The following PCDH9 variants were observed in gnomAD, a reference collection of about 807,000 sequenced individuals.
PCDH9 encodes the protein protocadherin-9.
A neutral mutation model predicts 70.6 loss-of-function variants in PCDH9; 24 were observed. The observed-to-expected ratio is 0.34, with a 90% CI of 0.25 to 0.48. The LOEUF (loss-of-function observed/expected upper bound fraction) is 0.48, where lower values mean the gene tolerates loss of function less well. PCDH9 is among the 20% of genes least tolerant of loss of function. PCDH9 has a pLI of 0.99. For synonymous variants in PCDH9, 562 were observed against 558.5 expected, an observed-to-expected ratio of 1.01 and a Z score of -0.09; for missense variants, 1,281 against 1,503.6, an observed-to-expected ratio of 0.85 and a Z score of 2.45.
At chr13:67,161,074 A>G (rs768146372) in intron 2 of PCDH9, among the ~76,000 whole-genome samples, 2 of 152,360 alleles carry the variant, frequency 1.3e-5, no homozygotes, top group Non-Finnish European at 1.5e-5. Context: ...ACACTTCCAC[A>G]TAACAGTACA....
intron 3 of PCDH9, among the ~76,000 whole-genome samples, chr13:66,660,731 A>G (rs6420331): frequency 0.42 from 63,742 of 151,700 alleles, 13,477 homozygotes; most frequent in Middle Eastern, 0.5. Context: ...TAAGGAATAC[A>G]GAAAGAAAAT....
chr13:66,632,512 T>G (rs955617311), intron 3 of PCDH9, among the ~76,000 whole-genome samples: 1 of 152,228 alleles, frequency 6.6e-6, no homozygotes, highest in Admixed American at 6.5e-5. Context: ...GGTATCTATG[T>G]GCACAATGTC....
chr13:66,843,315 G>A (rs1275113157), intron 3 of PCDH9, among the ~76,000 whole-genome samples: 3 of 151,556 alleles, frequency 2.0e-5, no homozygotes, highest in Non-Finnish European at 4.4e-5. Context: ...AGAAGACTAG[G>A]TCTATTAAAG....
At chr13:67,112,106 T>C (rs1566432150) in intron 2 of PCDH9, among the ~76,000 whole-genome samples, 1 of 152,182 alleles carries the variant, frequency 6.6e-6, no homozygotes, top group Non-Finnish European at 1.5e-5. Flanking sequence ...TCCGACTGAC[T>C]TTCATTAGAG....
intron 2 of PCDH9, among the ~76,000 whole-genome samples, chr13:67,004,814 G>A (rs1195972256): frequency 1.3e-5 from 2 of 151,962 alleles, no homozygotes; most frequent in South Asian, 2.1e-4. Flanking sequence ...TTTGGGGAAT[G>A]ATTAAATGAG....
rs1470472333 is a variant in PCDH9 at position 67,229,878 on chromosome 13, G to A, written c.-234C>T. 6.6e-6 allele frequency: 1 copy of A among 152,202 alleles called. No homozygotes were observed. Among genetic ancestry groups the A allele is most frequent in the Non-Finnish European group, 1.5e-5 (1 of 68,044 alleles). 9.4% of individuals were successfully genotyped at this position (152,202 alleles called of 1,614,324 possible). A position where few individuals can be genotyped will look rare whatever the true frequency, so the allele number is the denominator to read the frequency against. On this transcript the variant is annotated 5_prime_UTR_variant, in exon 1 of 5. Coordinates refer to ENST00000377865, the MANE Select transcript of PCDH9 (RefSeq NM_203487.3). ...CATGCATCTGGTAGCACCAGTTTGG[G>A]GAGAAATCAGAAGCAGCAAAATGTT...
At chr13:66,978,852 G>A (rs889764732) in intron 2 of PCDH9, among the ~76,000 whole-genome samples, 1 of 150,412 alleles carries the variant, frequency 6.6e-6, no homozygotes, top group African/African-American at 2.4e-5. Flanking sequence ...ATGTATATAT[G>A]TATATTTATA....
intron 2 of PCDH9, among the ~76,000 whole-genome samples, chr13:67,090,118 AT>A (rs1594496835): frequency 1.3e-5 from 2 of 152,076 alleles, no homozygotes; most frequent in African/African-American, 4.8e-5. Context: ...CAAAATAAGT[AT>A]TTAATAAATA....
At chr13:66,654,723 G>C (rs2077904011) in intron 3 of PCDH9, among the ~76,000 whole-genome samples, 2 of 152,040 alleles carry the variant, frequency 1.3e-5, no homozygotes, top group Admixed American at 1.3e-4. Flanking sequence ...TTGTTTGTTT[G>C]GTGACAGACT....
intron 3 of PCDH9, among the ~76,000 whole-genome samples, chr13:66,771,564 C>T (rs2139274487): frequency 6.6e-6 from 1 of 152,250 alleles, no homozygotes; most frequent in Admixed American, 6.5e-5. Flanking sequence ...AAGTCATATG[C>T]CATCTTCCCT....
intron 3 of PCDH9, among the ~76,000 whole-genome samples, chr13:66,875,976 G>A (rs1024601064): frequency 1.6e-4 from 25 of 152,086 alleles, no homozygotes; most frequent in Admixed American, 7.2e-4. Flanking sequence ...TTTATAAAAC[G>A]TTGAGTTTGG....
intron 2 of PCDH9, among the ~76,000 whole-genome samples, chr13:67,170,101 C>T (rs945252261): frequency 1.6e-4 from 24 of 152,144 alleles, no homozygotes; most frequent in African/African-American, 5.8e-4. Context: ...AGAAGAAAAA[C>T]AGCTTTATAT....
intron 3 of PCDH9, among the ~76,000 whole-genome samples, chr13:66,780,017 A>G (rs1295237767): frequency 6.6e-6 from 1 of 151,646 alleles, no homozygotes; most frequent in Non-Finnish European, 1.5e-5. Context: ...TAATCAAGCT[A>G]GAGATCTAAT....
intron 4 of PCDH9, among the ~76,000 whole-genome samples, chr13:66,478,829 A>G (rs1412216785): frequency 6.6e-6 from 1 of 152,264 alleles, no homozygotes; most frequent in Non-Finnish European, 1.5e-5. Context: ...AGAAGCTGCA[A>G]CAAGTTAGCC....
chr13:67,131,302 C>T (rs548566206), intron 2 of PCDH9, among the ~76,000 whole-genome samples: 7 of 152,096 alleles, frequency 4.6e-5, no homozygotes, highest in Non-Finnish European at 1.0e-4. Flanking sequence ...ACAGTCCCAT[C>T]TCCTAAATGG....
At chr13:66,948,472 T>C (rs1380738269) in intron 2 of PCDH9, among the ~76,000 whole-genome samples, 1 of 152,068 alleles carries the variant, frequency 6.6e-6, no homozygotes. Context: ...AGAATTTGTA[T>C]TTAGGATCCA....
chr13:66,475,708 G>A lies in PCDH9; in HGVS notation c.3340+155502C>T, dbSNP rs376178245. Among the ~76,000 whole-genome samples the A allele has an allele frequency of 6.6e-5, 10 of 152,146 alleles. No homozygotes were observed. The East Asian group carries it at 1.9e-3, about 29-fold the overall frequency. On this transcript the variant is annotated intron_variant, in intron 4 of 4. Coordinates refer to ENST00000377865, the MANE Select transcript of PCDH9 (RefSeq NM_203487.3). ...GAACCCTCAAAATGGTCTCCTGTCA[G>A]AAGAGAATCATATTTAGCTCACCAA...
At chr13:66,869,817 C>T (rs1378990980) in intron 3 of PCDH9, among the ~76,000 whole-genome samples, 1 of 152,090 alleles carries the variant, frequency 6.6e-6, no homozygotes, top group Admixed American at 6.6e-5. Context: ...TTGTTCACTA[C>T]TATTTCCTTA....
Position 66,704,800 on chromosome 13 carries a change from T to G in PCDH9, c.3139-73389A>C, listed in dbSNP as rs542359687. On this transcript the variant is annotated intron_variant, in intron 3 of 4. Coordinates refer to ENST00000377865, the MANE Select transcript of PCDH9 (RefSeq NM_203487.3). ...ATGCTGATTTGGAAAATGCAAGTGG[T>G]GTAAGGCACTTAATTTGCTCACTTT... Among the ~76,000 whole-genome samples the G allele has an allele frequency of 2.0e-5, 3 of 152,228 alleles. No individual in the cohort carries two copies. In the South Asian group the frequency reaches 6.2e-4, roughly 32 times the overall value.
Sources: allele counts gnomAD v4.1 joint callset (sites outside exome capture counted in the v4.1 genomes callset), GRCh38; gene constraint gnomAD v4.1.1; transcripts MANE v1.5; gene names NCBI Gene and HGNC (gene_info 2026-07-23, HGNC 2026-07-21).